Variants in NRP1 observed in about 807,000 individuals in gnomAD.
The protein encoded by NRP1 is neuropilin-1.
In NRP1, 35 loss-of-function variants were observed where a neutral mutation model predicts 106.7. The observed-to-expected ratio is 0.33, with a 90% CI of 0.25 to 0.43. The LOEUF (loss-of-function observed/expected upper bound fraction) is 0.43. Ranked by LOEUF, NRP1 falls within the 20% of genes least tolerant of loss-of-function variation. The pLI, the probability that NRP1 is intolerant of heterozygous loss-of-function variation, is 1.00. For missense variants in NRP1, 1,024 were observed against 1,170.4 expected (o/e 0.87, Z 1.83); for synonymous variants, 437 against 417.9 (o/e 1.05, Z -0.56).
At position 33,334,531 on chromosome 10, in the gene NRP1, G is replaced by C. The variant is rs550681906; in HGVS notation, c.-149C>G. On this transcript the variant is annotated 5_prime_UTR_variant, in exon 1 of 17. Coordinates refer to ENST00000374867, the MANE Select transcript of NRP1 (RefSeq NM_003873.7). ...CCCGTCTTGGAGAAAAGAAAGCAGC[G>C]AGGCAATGCCTGGATCCGAGAGGAA... is the stretch of plus-strand genomic sequence containing the variant. 144 of 652,266 alleles carry C rather than the reference G, an allele frequency of 2.2e-4. 1 individual carries two copies. In the African/African-American group the frequency reaches 2.5e-3, roughly 11 times the overall value. 40.4% of individuals were successfully genotyped at this position (652,266 alleles called of 1,614,324 possible). A position where few individuals can be genotyped will look rare whatever the true frequency, so the allele number is the denominator to read the frequency against.
chr10:33,234,052 A>G (rs1564407483), intron 6 of NRP1, among the ~76,000 whole-genome samples: 2 of 152,164 alleles, frequency 1.3e-5, no homozygotes, highest in Non-Finnish European at 2.9e-5. Context: ...ATAGCTCCCT[A>G]TCTCTTTCTG....
intron 4 of NRP1, among the ~76,000 whole-genome samples, chr10:33,259,786 T>C (rs1770077344): frequency 6.6e-6 from 1 of 152,230 alleles, no homozygotes. Context: ...AATCAGATGA[T>C]TTGGCTTTTT....
Position 33,192,262 on chromosome 10 carries a change from G to T in NRP1, c.2062+19C>A, listed in dbSNP as rs371492547. 1.2e-6 allele frequency: 2 copies of T among 1,605,410 alleles called. No individual in the cohort carries two copies. The highest frequency in any genetic ancestry group is 1.1e-5 in the South Asian group (1 of 89,776). ...AGAGAATCTGCAAAGCCATGCAGCC[G>T]AAGTGAACTCTGTGATACCTGTGTG... On this transcript the variant is annotated intron_variant, in intron 13 of 16. Coordinates refer to ENST00000374867, the MANE Select transcript of NRP1 (RefSeq NM_003873.7).
rs1436186127 is a variant in NRP1, at chr10:33,270,756, G to T, written c.349C>A (p.Pro117Thr). ...IAPPPVVSSG[P>T]FLFIKFVSDY... ...GAGACAAATTTGATAAAAAGAAATGGCCCTGAAGACACAACAGGAGGAGGG... is the reference window on the plus strand; with the variant it reads ...GAGACAAATTTGATAAAAAGAAATGTCCCTGAAGACACAACAGGAGGAGGG... Residue 117 changes from proline to threonine, a missense_variant, in exon 3 of 17, where the codon CCA becomes ACA. Pro to Thr is a conservative substitution (Grantham distance 38, BLOSUM62 -1). This residue lies in a region of NRP1 where 279 missense variants were observed against 327.4 expected (regional missense o/e 0.85). Coordinates refer to ENST00000374867, the MANE Select transcript of NRP1 (RefSeq NM_003873.7). 5 of 1,613,744 alleles carry T rather than the reference G, an allele frequency of 3.1e-6. No homozygotes were observed. The African/African-American group carries it at 6.7e-5, about 22-fold the overall frequency.
chr10:33,180,805 C>T (rs560691361), intron 16 of NRP1, among the ~76,000 whole-genome samples: 36 of 152,332 alleles, frequency 2.4e-4, no homozygotes, highest in African/African-American at 7.7e-4. Flanking sequence ...TGCCCTTCTA[C>T]GTGGTGCTGT....
chr10:33,276,556 G>T (rs1292258793), intron 2 of NRP1, among the ~76,000 whole-genome samples: 2 of 152,304 alleles, frequency 1.3e-5, no homozygotes, highest in East Asian at 3.8e-4. Context: ...GCCCTGAGCT[G>T]GGAGAGCACA....
chr10:33,259,801 CT>C lies in NRP1; in HGVS notation c.659-3331del, dbSNP rs1185235162. 7.9e-5 allele frequency among the ~76,000 whole-genome samples: 12 copies of C among 152,138 alleles called. No homozygotes were observed. In the East Asian group the frequency reaches 2.3e-3, roughly 29 times the overall value. ...AATCAGATGATTTGGCTTTTTGCCA[CT>C]TTTTATGTGAAAAAATAAAAGTGCT... On this transcript the variant is annotated intron_variant, in intron 4 of 16. Coordinates refer to ENST00000374867, the MANE Select transcript of NRP1 (RefSeq NM_003873.7).
At chr10:33,206,724 C>A (rs774556027) in intron 10 of NRP1, among the ~76,000 whole-genome samples, 1 of 152,174 alleles carries the variant, frequency 6.6e-6, no homozygotes, top group Non-Finnish European at 1.5e-5. Flanking sequence ...GATAGAAAAA[C>A]TGGTGTAGGT....
At chr10:33,186,592 C>G (rs1422265931) in intron 13 of NRP1, 104 bp from the exon 14 acceptor site, 1 of 1,334,856 alleles carries the variant, frequency 7.5e-7, no homozygotes, top group Non-Finnish European at 1.0e-6. Context: ...CGCTGAGCAC[C>G]AAGAACCCAA....
At chr10:33,288,251 A>T (rs1024455016) in intron 2 of NRP1, 4 of 152,184 alleles carry the variant, frequency 2.6e-5, no homozygotes, top group African/African-American at 9.6e-5. Flanking sequence ...TTCTGCCCCA[A>T]GTCCCTACCA....
chr10:33,308,550 G>A (rs773511646), intron 2 of NRP1, among the ~76,000 whole-genome samples: 15 of 151,870 alleles, frequency 9.9e-5, no homozygotes, highest in South Asian at 2.1e-4. Context: ...TTAGTGGCGC[G>A]ATCTCGGCTC....
At position 33,179,144 on chromosome 10, in the gene NRP1, T is replaced by G. The variant is rs1835527764; in HGVS notation, c.*932A>C. On this transcript the variant is annotated 3_prime_UTR_variant, in exon 17 of 17. Coordinates refer to ENST00000374867, the MANE Select transcript of NRP1 (RefSeq NM_003873.7). The stretch of plus-strand genomic sequence containing the variant: ...TTGAACTACAGAAAAAGCAGAACAA[T>G]TAAGCCACGTTGCCAAATCTTCAGA... 1 of 152,756 alleles carries G rather than the reference T, an allele frequency of 6.5e-6. No homozygotes were observed. Among genetic ancestry groups the G allele is most frequent in the East Asian group, 1.9e-4 (1 of 5,178 alleles). The allele number at this position is 152,756 out of a possible 1,614,324, so 9.5% of individuals were successfully genotyped here.
chr10:33,296,356 C>T (rs1289266712), intron 2 of NRP1, among the ~76,000 whole-genome samples: 1 of 152,156 alleles, frequency 6.6e-6, no homozygotes, highest in Non-Finnish European at 1.5e-5. Context: ...CTTTTAGTTA[C>T]TTTAAGTGGT....
chr10:33,277,624 G>A (rs1241248023), intron 2 of NRP1, among the ~76,000 whole-genome samples: 1 of 152,176 alleles, frequency 6.6e-6, no homozygotes, highest in Non-Finnish European at 1.5e-5. Flanking sequence ...CCACAACCTG[G>A]CTGCTGTCCT....
intron 6 of NRP1, among the ~76,000 whole-genome samples, chr10:33,234,077 G>A (rs774304968): frequency 2.0e-5 from 3 of 152,046 alleles, no homozygotes; most frequent in Non-Finnish European, 4.4e-5. Context: ...GTGTCCCTAT[G>A]GTGGTATTAC....
Position 33,263,636 on chromosome 10 carries a change from T to C in NRP1, c.658+10A>G, listed in dbSNP as rs756890497. The C allele has an allele frequency of 1.9e-6, 3 of 1,607,814 alleles. No homozygotes were observed. The highest frequency in any genetic ancestry group is 1.7e-6 in the Non-Finnish European group (2 of 1,174,330). ...CCTTCCCTTTTTGGGGTGCTTCCTG[T>C]CATTCTTACCATCAGGGAATCCATC... On this transcript the variant is annotated intron_variant, in intron 4 of 16. Transcript: ENST00000374867.
rs117603712 is a variant in NRP1, at chr10:33,321,213, C to A, written c.248+9495G>T. Among the ~76,000 whole-genome samples the A allele has an allele frequency of 2.4e-4, 37 of 152,300 alleles. 2 individuals carry two copies. The Middle Eastern group carries it at 0.027, about 112-fold the overall frequency. On this transcript the variant is annotated intron_variant, in intron 2 of 16. Transcript: ENST00000374867. ...TATTGGCCAGGCTGGTCTCGAACTCCTGACCTCACTGATCCGCTTGCCTTG... is the reference window on the plus strand; with the variant it reads ...TATTGGCCAGGCTGGTCTCGAACTCATGACCTCACTGATCCGCTTGCCTTG...
intron 4 of NRP1, among the ~76,000 whole-genome samples, chr10:33,261,805 C>T (rs755988282): frequency 5.9e-5 from 9 of 152,126 alleles, no homozygotes; most frequent in African/African-American, 1.7e-4. Flanking sequence ...GCCATGATCT[C>T]GGCTCACTGC....
chr10:33,285,910 C>G (rs1055491031), intron 2 of NRP1, among the ~76,000 whole-genome samples: 1 of 152,124 alleles, frequency 6.6e-6, no homozygotes, highest in Non-Finnish European at 1.5e-5. Context: ...AATTCCGAAT[C>G]CAGACAGGAA....
Sources: allele counts gnomAD v4.1 joint callset (sites outside exome capture counted in the v4.1 genomes callset), GRCh38; gene constraint gnomAD v4.1.1; regional missense constraint gnomAD v4.1.1; transcripts MANE v1.5; gene names NCBI Gene and HGNC (gene_info 2026-07-23, HGNC 2026-07-21).